SLC5A10: variants seen among roughly 807,000 people sequenced by gnomAD.
The protein encoded by SLC5A10 is sodium/mannose cotransporter SLC5A10.
A neutral mutation model predicts 68.9 loss-of-function variants in SLC5A10; 55 were observed. The ratio of observed to expected loss-of-function variants is 0.80; its 90% CI spans 0.64 to 1.00. SLC5A10 has a LOEUF of 1.00. SLC5A10 is among the 50% of genes least tolerant of loss of function. The probability of loss-of-function intolerance (pLI) is 0.00; values close to 1 mark genes in which losing one functional copy is unlikely to be tolerated. For synonymous variants in SLC5A10, 344 were observed against 344.8 expected (o/e 1.00, Z 0.02); for missense variants, 732 against 819.3 (o/e 0.89, Z 1.30).
chr17:18,973,566 TC>T (rs2042907387), intron 8 of SLC5A10, among the ~76,000 whole-genome samples: 1 of 152,224 alleles, frequency 6.6e-6, no homozygotes, highest in South Asian at 2.1e-4. Flanking sequence ...TGTGTGGCTC[TC>T]ACTGACACTG....
chr17:19,003,425 GTTGGGCTCCCGTT>G lies in SLC5A10; in HGVS notation c.983-9976_983-9964del, dbSNP rs2152142888. Reference sequence around the variant, plus strand: ...ACAGCAGAGATCCCTAGAAGCCCATGTTGGGCTCCCGTTTTGGGCTCTGAGTGAGCCTGTATTG... The same window carrying G: ...ACAGCAGAGATCCCTAGAAGCCCATGTTGGGCTCTGAGTGAGCCTGTATTG... On this transcript the variant is annotated intron_variant, in intron 9 of 14. Transcript: ENST00000395645. The surrounding 1 kb of genome is among the most constrained non-coding windows in gnomAD (Gnocchi z 4.5). 1 of 1,333,384 alleles carries G rather than the reference GTTGGGCTCCCGTT, an allele frequency of 7.5e-7. No individual in the cohort carries two copies. The highest frequency in any genetic ancestry group is 2.7e-5 in the East Asian group (1 of 36,584). 82.6% of individuals were successfully genotyped at this position (1,333,384 alleles called of 1,614,324 possible).
intron 9 of SLC5A10, among the ~76,000 whole-genome samples, chr17:19,002,574 A>T (rs2043758181): frequency 6.6e-6 from 1 of 152,218 alleles, no homozygotes; most frequent in African/African-American, 2.4e-5. Context: ...TGAGGCCCAG[A>T]CCTGGCTTCA....
At chr17:18,990,390 C>T (rs1009909138) in intron 9 of SLC5A10, among the ~76,000 whole-genome samples, 1 of 152,092 alleles carries the variant, frequency 6.6e-6, no homozygotes, top group African/African-American at 2.4e-5. Context: ...GACCCAAAGC[C>T]TCTCCAGCCC....
At chr17:18,979,692 G>A in intron 9 of SLC5A10, 1 of 1,612,582 alleles carries the variant, frequency 6.2e-7, no homozygotes, top group East Asian at 2.2e-5. Flanking sequence ...GGAACCAAGA[G>A]ACAGAATTAC....
At chr17:19,007,527 T>C (rs1028268403) in intron 9 of SLC5A10, among the ~76,000 whole-genome samples, 6 of 152,210 alleles carry the variant, frequency 3.9e-5, no homozygotes, top group Admixed American at 6.5e-5. Flanking sequence ...TTCAGCCTCC[T>C]GAGTAGCTGG....
Position 19,020,825 on chromosome 17 carries a change from C to A in SLC5A10, c.*394C>A. On this transcript the variant is annotated 3_prime_UTR_variant, in exon 15 of 15. Transcript: ENST00000395645. ...AGCCCCACATGCCCAGAGCAAGGCCCCCCATTAAGGGACTGCAGCCACCTC... is the reference window on the plus strand; with the variant it reads ...AGCCCCACATGCCCAGAGCAAGGCCACCCATTAAGGGACTGCAGCCACCTC... 1 of 200,868 alleles carries A rather than the reference C, an allele frequency of 5.0e-6. No homozygotes were observed. The highest frequency in any genetic ancestry group is 9.6e-5 in the South Asian group (1 of 10,460). 12.4% of individuals were successfully genotyped at this position (200,868 alleles called of 1,614,324 possible).
intron 10 of SLC5A10, among the ~76,000 whole-genome samples, chr17:19,014,602 C>T (rs2074280): frequency 0.77 from 117,315 of 152,108 alleles, 46,311 homozygotes; most frequent in Non-Finnish European, 0.86. Context: ...ACCCCAAAGT[C>T]CTGCCGCTGG....
At chr17:19,013,244 C>A (rs1389002268) in intron 9 of SLC5A10, 166 bp from the exon 10 acceptor site, 2 of 1,062,294 alleles carry the variant, frequency 1.9e-6, no homozygotes, top group Non-Finnish European at 2.7e-6. Flanking sequence ...AGGCCATGCC[C>A]TCCCTGTGGC....
intron 8 of SLC5A10, among the ~76,000 whole-genome samples, chr17:18,973,268 T>A (rs2042900180): frequency 6.6e-6 from 1 of 152,206 alleles, no homozygotes; most frequent in Non-Finnish European, 1.5e-5. Context: ...GTCAGGAGAT[T>A]TTCCCATCAA....
Position 18,982,016 on chromosome 17 carries a change from C to T in SLC5A10, c.982+5027C>T, listed in dbSNP as rs574082874. 2.2e-3 allele frequency among the ~76,000 whole-genome samples: 336 copies of T among 152,342 alleles called. 4 individuals are homozygous for T. The highest frequency in any genetic ancestry group is 3.7e-3 in the Non-Finnish European group (249 of 68,012). Reference sequence around the variant, plus strand: ...CCCCTCCTTAGCCTGGAAAATCGGCCGCCAGCATCAGGACCCTTCTGGACA... The same window carrying T: ...CCCCTCCTTAGCCTGGAAAATCGGCTGCCAGCATCAGGACCCTTCTGGACA... On this transcript the variant is annotated intron_variant, in intron 9 of 14. Coordinates refer to ENST00000395645, the MANE Select transcript of SLC5A10 (RefSeq NM_001042450.4).
intron 9 of SLC5A10, chr17:18,978,479 T>A: frequency 6.2e-7 from 1 of 1,611,514 alleles, no homozygotes; most frequent in Non-Finnish European, 8.5e-7. Context: ...CAGTCCTGGG[T>A]GGATGGGTGG....
chr17:18,993,652 C>A (rs112509706), intron 9 of SLC5A10, among the ~76,000 whole-genome samples: 7 of 152,334 alleles, frequency 4.6e-5, no homozygotes, highest in African/African-American at 1.4e-4. Flanking sequence ...GCAGACAAGT[C>A]CCTAGGCCTC....
At chr17:18,965,739 A>T (rs538222446) in intron 5 of SLC5A10, among the ~76,000 whole-genome samples, 2 of 152,318 alleles carry the variant, frequency 1.3e-5, no homozygotes, top group East Asian at 3.9e-4. Flanking sequence ...TGGTGGCTAC[A>T]TGGTGCCAGG....
chr17:18,993,220 C>T (rs990726908), intron 9 of SLC5A10, among the ~76,000 whole-genome samples: 1 of 152,304 alleles, frequency 6.6e-6, no homozygotes, highest in East Asian at 1.9e-4. Flanking sequence ...CGTCCTGCCT[C>T]AAGCCACTGT....
chr17:19,005,651 C>A (rs566985297), intron 9 of SLC5A10, among the ~76,000 whole-genome samples: 1 of 151,912 alleles, frequency 6.6e-6, no homozygotes, highest in African/African-American at 2.4e-5. Flanking sequence ...CCTCAAACCC[C>A]CCCCCTCCAA....
upstream of SLC5A10, chr17:18,951,974 G>A (rs545981501): frequency 4.5e-4 from 229 of 512,396 alleles, no homozygotes; most frequent in Admixed American, 6.8e-4. Flanking sequence ...CCTCCCACTT[G>A]CTTCTCCCAG....
chr17:18,974,090 A>G (rs1165898213), intron 8 of SLC5A10, among the ~76,000 whole-genome samples: 2 of 151,916 alleles, frequency 1.3e-5, no homozygotes, highest in African/African-American at 2.4e-5. Context: ...ACGGGGTTTC[A>G]CCATGTTGGC....
chr17:18,972,549 C>G (rs777940912), intron 8 of SLC5A10, among the ~76,000 whole-genome samples: 2 of 152,160 alleles, frequency 1.3e-5, no homozygotes, highest in Non-Finnish European at 2.9e-5. Context: ...GCCCAGAGAC[C>G]CTCCCTGGGT....
At chr17:18,958,396 TTATA>T (rs1314954225) in intron 1 of SLC5A10, among the ~76,000 whole-genome samples, 2 of 152,228 alleles carry the variant, frequency 1.3e-5, no homozygotes, top group Admixed American at 1.3e-4. Context: ...TAATATTTCT[TTATA>T]TAGGATATAC....
Sources: allele counts gnomAD v4.1 joint callset (sites outside exome capture counted in the v4.1 genomes callset), GRCh38; gene constraint gnomAD v4.1.1; non-coding constraint Gnocchi (gnomAD v3.1); transcripts MANE v1.5; gene names NCBI Gene and HGNC (gene_info 2026-07-23, HGNC 2026-07-21).